The following NTM variants were observed in gnomAD, a reference collection of about 807,000 sequenced individuals.
NTM encodes neurotrimin, also known as IgLON family member 2.
Under a neutral mutation model 42.1 loss-of-function variants are expected in NTM, and 13 were observed. The ratio of observed to expected loss-of-function variants is 0.31; its 90% CI spans 0.20 to 0.49. The LOEUF is 0.49. Ranked by LOEUF, NTM falls within the 20% of genes least tolerant of loss-of-function variation. The pLI, the probability that NTM is intolerant of heterozygous loss-of-function variation, is 0.99. For missense variants in NTM, 373 were observed against 452.8 expected (o/e 0.82, Z 1.60); for synonymous variants, 187 against 179.2 (o/e 1.04, Z -0.35).
At chr11:131,379,234 A>T (rs186547619) in intron 1 of NTM, among the ~76,000 whole-genome samples, 1 of 152,294 alleles carries the variant, frequency 6.6e-6, no homozygotes, top group Admixed American at 6.5e-5. Context: ...CCCCTCAACA[A>T]TGCAGCTGCA....
intron 1 of NTM, among the ~76,000 whole-genome samples, chr11:131,787,354 GATTATTATTATT>G (rs149079341): frequency 4.8e-5 from 7 of 144,432 alleles, no homozygotes; most frequent in African/African-American, 1.5e-4. Flanking sequence ...CATAATACAA[GATTATTATTATT>G]ATTATTATTA....
chr11:131,927,690 G>C (rs1036214153), intron 2 of NTM, among the ~76,000 whole-genome samples: 1 of 152,158 alleles, frequency 6.6e-6, no homozygotes, highest in Non-Finnish European at 1.5e-5. Context: ...AAGCAAATGT[G>C]GGATACTTGA....
chr11:131,997,208 C>T (rs1332533638), intron 2 of NTM, among the ~76,000 whole-genome samples: 1 of 152,178 alleles, frequency 6.6e-6, no homozygotes, highest in Non-Finnish European at 1.5e-5. Flanking sequence ...GCTTGACAGC[C>T]AGAGTGGCTT....
In NTM at chr11:131,846,177, G is replaced by A. The variant is rs551735074; in HGVS notation, c.83-65387G>A. ...CAAGCGTCATTCCTGTTAATTAAAA[G>A]ACTCTGCTGAATTTATTACTATATA... On this transcript the variant is annotated intron_variant, in intron 1 of 8. Transcript: ENST00000683400. Among the ~76,000 whole-genome samples the A allele has an allele frequency of 3.1e-4, 47 of 152,196 alleles. 1 individual carries two copies. Among genetic ancestry groups the A allele is most frequent in the Non-Finnish European group, 1.5e-5 (1 of 67,998 alleles).
intron 2 of NTM, among the ~76,000 whole-genome samples, chr11:131,951,664 A>C (rs1565810190): frequency 6.6e-6 from 1 of 152,092 alleles, no homozygotes. Flanking sequence ...TCTACTAAAA[A>C]TACAAAAATT....
At chr11:132,084,370 A>T (rs1435110775) in intron 2 of NTM, among the ~76,000 whole-genome samples, 3 of 152,174 alleles carry the variant, frequency 2.0e-5, no homozygotes, top group Non-Finnish European at 4.4e-5. Flanking sequence ...ATCTCATACA[A>T]TTTTGTGACA....
intron 1 of NTM, among the ~76,000 whole-genome samples, chr11:131,552,990 G>C (rs539218780): frequency 5.3e-5 from 8 of 152,130 alleles, no homozygotes; most frequent in Non-Finnish European, 1.2e-4. Flanking sequence ...AAGCTACAGT[G>C]GCCAGAAAAA....
chr11:132,055,632 C>T (rs967958761), intron 2 of NTM, among the ~76,000 whole-genome samples: 19 of 149,832 alleles, frequency 1.3e-4, no homozygotes, highest in Admixed American at 2.7e-4. Flanking sequence ...GGTGTGTGTG[C>T]GTGTGCATGT....
At chr11:131,542,926 A>T (rs2053471824) in intron 1 of NTM, among the ~76,000 whole-genome samples, 1 of 152,134 alleles carries the variant, frequency 6.6e-6, no homozygotes, top group Non-Finnish European at 1.5e-5. Flanking sequence ...TCCTCTAGGG[A>T]TGTAAGCACA....
chr11:131,390,634 G>C lies in NTM; in HGVS notation c.82+19746G>C, dbSNP rs538964928. On this transcript the variant is annotated intron_variant, in intron 1 of 8. Coordinates refer to ENST00000683400, the MANE Select transcript of NTM (RefSeq NM_001352005.2). ...AACTCGATGGGCTAGAAAGAAGAAA[G>C]TGGTGCAGGCCTGGGAAACAGTGGT... Among the ~76,000 whole-genome samples the C allele has an allele frequency of 4.6e-5, 7 of 152,298 alleles. No homozygotes were observed. In the East Asian group the frequency reaches 1.4e-3, roughly 29 times the overall value.
intron 1 of NTM, among the ~76,000 whole-genome samples, chr11:131,671,867 C>G (rs921438489): frequency 2.6e-5 from 4 of 152,132 alleles, no homozygotes; most frequent in Non-Finnish European, 5.9e-5. Flanking sequence ...AAGGCCAAGT[C>G]AAGGTTTGGG....
At chr11:131,707,889 C>T (rs778250147) in intron 1 of NTM, among the ~76,000 whole-genome samples, 1 of 152,116 alleles carries the variant, frequency 6.6e-6, no homozygotes, top group Non-Finnish European at 1.5e-5. Flanking sequence ...ACCACTTCTA[C>T]TCAATGTAGG....
At chr11:131,917,802 C>T (rs960807951) in intron 2 of NTM, among the ~76,000 whole-genome samples, 2 of 152,236 alleles carry the variant, frequency 1.3e-5, no homozygotes, top group East Asian at 3.9e-4. Flanking sequence ...GGCTGGTGTC[C>T]TGTGGCTCTG....
At chr11:131,908,604 G>A (rs1196144455) in intron 1 of NTM, among the ~76,000 whole-genome samples, 2 of 152,240 alleles carry the variant, frequency 1.3e-5, no homozygotes, top group Admixed American at 1.3e-4. Context: ...AAGAGGGGTT[G>A]AGAGGGAGGA....
chr11:131,486,977 C>T (rs112093634), intron 1 of NTM, among the ~76,000 whole-genome samples: 283 of 152,286 alleles, frequency 1.9e-3, no homozygotes, highest in Non-Finnish European at 3.2e-3. Context: ...ACACATTATC[C>T]TATTTACTCT....
chr11:131,595,152 G>A (rs370897510), intron 1 of NTM, among the ~76,000 whole-genome samples: 1 of 152,146 alleles, frequency 6.6e-6, no homozygotes, highest in Admixed American at 6.6e-5. Context: ...TGGGATGGCT[G>A]TAGCTGAGTC....
chr11:131,836,230 A>G (rs1194829569), intron 1 of NTM, among the ~76,000 whole-genome samples: 4 of 152,322 alleles, frequency 2.6e-5, no homozygotes, highest in Admixed American at 1.3e-4. Flanking sequence ...AAATTAAGTT[A>G]TGTACCACCT....
At chr11:132,204,694 C>T (rs962457784) in intron 3 of NTM, among the ~76,000 whole-genome samples, 7 of 152,010 alleles carry the variant, frequency 4.6e-5, no homozygotes, top group South Asian at 2.1e-4. Context: ...GAGAGGGAGG[C>T]GGCATCCAGA....
At chr11:131,727,693 C>A (rs2079127123) in intron 1 of NTM, among the ~76,000 whole-genome samples, 2 of 152,086 alleles carry the variant, frequency 1.3e-5, no homozygotes, top group South Asian at 4.1e-4. Context: ...AAAGTCAGTC[C>A]CAGGCTGACA....
Sources: allele counts gnomAD v4.1 joint callset (sites outside exome capture counted in the v4.1 genomes callset), GRCh38; gene constraint gnomAD v4.1.1; transcripts MANE v1.5; gene names NCBI Gene and HGNC (gene_info 2026-07-23, HGNC 2026-07-21).